Variants in KITLG observed in about 807,000 individuals in gnomAD.
KITLG encodes the protein c-Kit ligand.
In KITLG, 13 loss-of-function variants were observed where a neutral mutation model predicts 34.1. That is an observed-to-expected ratio of 0.38 (90% confidence interval 0.25 to 0.61). KITLG has a LOEUF of 0.61. KITLG is among the 20% of genes least tolerant of loss of function. The pLI, the probability that KITLG is intolerant of heterozygous loss-of-function variation, is 0.60. For synonymous variants in KITLG, 110 were observed against 104.0 expected (o/e 1.06, Z -0.35); for missense variants, 292 against 318.9 (o/e 0.92, Z 0.64).
In KITLG at chr12:88,494,781, A is replaced by C. The variant is rs1481249024; in HGVS notation, c.*2438T>G. The C allele has an allele frequency of 6.6e-6, 1 of 152,260 alleles. No individual in the cohort carries two copies. Among genetic ancestry groups the C allele is most frequent in the African/African-American group, 2.4e-5 (1 of 41,456 alleles). The allele number at this position is 152,260 out of a possible 1,614,324, so 9.4% of individuals were successfully genotyped here. Reference sequence around the variant, plus strand: ...CTTCCAAGATGGAACTGTCAGATACATGGCACCAACTGAAAAGGCGATTTC... The same window carrying C: ...CTTCCAAGATGGAACTGTCAGATACCTGGCACCAACTGAAAAGGCGATTTC... On this transcript the variant is annotated 3_prime_UTR_variant, in exon 10 of 10. Transcript: ENST00000644744.
intron 6 of KITLG, among the ~76,000 whole-genome samples, chr12:88,511,487 T>C (rs1311633460): frequency 1.3e-5 from 2 of 152,058 alleles, no homozygotes; most frequent in African/African-American, 2.4e-5. Flanking sequence ...AGTCAGAGAT[T>C]GAAGTTCAGG....
intron 1 of KITLG, among the ~76,000 whole-genome samples, chr12:88,552,378 C>CA (rs1870949447): frequency 6.7e-6 from 1 of 150,138 alleles, no homozygotes; most frequent in South Asian, 2.1e-4. Flanking sequence ...TTGGTAGAGA[C>CA]AGAGTTTCAC....
rs752080174 is a variant in KITLG at position 88,580,230 on chromosome 12, A to G, written c.15+34T>C. Reference sequence around the variant, plus strand: ...GGGCACCGGGCGCGATTTTTCCTGGAGAGCCTGGGAGCTCCCGGGCGCGCC... The same window carrying G: ...GGGCACCGGGCGCGATTTTTCCTGGGGAGCCTGGGAGCTCCCGGGCGCGCC... On this transcript the variant is annotated intron_variant, in intron 1 of 9. Transcript: ENST00000644744. 6.3e-6 allele frequency: 10 copies of G among 1,598,158 alleles called. No homozygotes were observed. In the Admixed American group the frequency reaches 1.0e-4, roughly 16 times the overall value.
chr12:88,497,563 C>T (rs1206371515), intron 9 of KITLG, among the ~76,000 whole-genome samples: 1 of 152,138 alleles, frequency 6.6e-6, no homozygotes, highest in Non-Finnish European at 1.5e-5. Flanking sequence ...TACCTCCTGA[C>T]ATTCTACCAA....
intron 3 of KITLG, among the ~76,000 whole-genome samples, chr12:88,531,211 CAT>C (rs978576670): frequency 1.3e-5 from 2 of 152,004 alleles, no homozygotes; most frequent in Non-Finnish European, 2.9e-5. Context: ...CTGCAGTAAA[CAT>C]ATAAGAGAAT....
At chr12:88,519,279 G>A (rs1291375097) in intron 3 of KITLG, among the ~76,000 whole-genome samples, 1 of 152,068 alleles carries the variant, frequency 6.6e-6, no homozygotes, top group Non-Finnish European at 1.5e-5. Context: ...TGTAATAGGA[G>A]GAGGGACTCT....
intron 1 of KITLG, among the ~76,000 whole-genome samples, chr12:88,571,570 A>C (rs1243636279): frequency 6.6e-6 from 1 of 152,196 alleles, no homozygotes; most frequent in Non-Finnish European, 1.5e-5. Flanking sequence ...ACCTAGCACA[A>C]TTGTTAAAAT....
intron 1 of KITLG, 170 bp downstream of exon 1, chr12:88,580,094 T>G (rs1871964827): frequency 1.4e-6 from 1 of 701,686 alleles, no homozygotes; most frequent in Non-Finnish European, 2.5e-6. Flanking sequence ...CTCACCCGGC[T>G]CGGCTCGGGA....
rs980736076 is a variant in KITLG, at chr12:88,496,467, G to A, written c.*752C>T. 2.0e-5 allele frequency: 3 copies of A among 152,204 alleles called. No individual in the cohort carries two copies. Among genetic ancestry groups the A allele is most frequent in the African/African-American group, 7.2e-5 (3 of 41,444 alleles). The allele number at this position is 152,204 out of a possible 1,614,324, so 9.4% of individuals were successfully genotyped here. ...TCTTGGCAGACTGTTCTGATGTTCA[G>A]TGTTCTTAACTTCTTCCTGCGATGA... On this transcript the variant is annotated 3_prime_UTR_variant, in exon 10 of 10. Transcript: ENST00000644744.
intron 1 of KITLG, among the ~76,000 whole-genome samples, chr12:88,576,396 T>C (rs1459046251): frequency 6.6e-6 from 1 of 152,174 alleles, no homozygotes; most frequent in South Asian, 2.1e-4. Context: ...ATAATTTACC[T>C]GCAATAAGTC....
At chr12:88,533,539 G>A (rs1369550390) in intron 2 of KITLG, among the ~76,000 whole-genome samples, 1 of 152,062 alleles carries the variant, frequency 6.6e-6, no homozygotes, top group Non-Finnish European at 1.5e-5. Flanking sequence ...CTTCTCTTAT[G>A]TCACCATTAA....
At chr12:88,508,681 T>C (rs569805672) in intron 6 of KITLG, among the ~76,000 whole-genome samples, 2 of 152,146 alleles carry the variant, frequency 1.3e-5, no homozygotes, top group South Asian at 4.1e-4. Context: ...TAACCATGAA[T>C]ATCCTCCTTA....
intron 6 of KITLG, among the ~76,000 whole-genome samples, chr12:88,512,076 T>A (rs915948769): frequency 1.2e-4 from 19 of 152,218 alleles, no homozygotes; most frequent in African/African-American, 4.6e-4. Flanking sequence ...AGACATCAAC[T>A]CTGAGATGAC....
intron 6 of KITLG, among the ~76,000 whole-genome samples, chr12:88,507,528 C>G (rs1206674926): frequency 6.6e-6 from 1 of 152,186 alleles, no homozygotes; most frequent in Non-Finnish European, 1.5e-5. Context: ...AAATTTTAAA[C>G]ATGACATTTT....
intron 1 of KITLG, among the ~76,000 whole-genome samples, chr12:88,574,284 C>G (rs1447198973): frequency 2.1e-5 from 2 of 95,170 alleles, no homozygotes; most frequent in Admixed American, 2.8e-4. Context: ...CTTCTGACTG[C>G]TAAAAGAAAA....
At position 88,507,081 on chromosome 12, in the gene KITLG, G is replaced by A. The variant is rs1384549754; in HGVS notation, c.661C>T (p.Pro221Ser). The change falls in exon 7 of 10, where the codon CCA (proline) becomes TCA (serine). Residue 221 changes from proline (P) to serine (S), a missense_variant. Physicochemically the swap from Pro to Ser is moderately conservative, Grantham distance 74 (BLOSUM62 -1). Transcript: ENST00000644744. ...SSLHWAAMAL[P>S]ALFSLIIGFA... ...CCAATTATAAGAGAAAACAATGCTG[G>A]CAATGCCATGGCTGCCCAGTGTAGG... 2 of 1,613,756 alleles carry A rather than the reference G, an allele frequency of 1.2e-6. No individual in the cohort carries two copies.
intron 1 of KITLG, among the ~76,000 whole-genome samples, chr12:88,570,562 C>T (rs934268834): frequency 1.3e-5 from 2 of 151,862 alleles, no homozygotes; most frequent in East Asian, 1.9e-4. Flanking sequence ...GAAGTTCAAC[C>T]CTTTCAGTTT....
At chr12:88,547,772 A>G (rs1870765937) in intron 1 of KITLG, among the ~76,000 whole-genome samples, 1 of 152,196 alleles carries the variant, frequency 6.6e-6, no homozygotes, top group African/African-American at 2.4e-5. Context: ...AAATTCTGTT[A>G]CTGGTCTTCG....
chr12:88,516,236 T>C, intron 5 of KITLG, 98 bp downstream of exon 5: 1 of 981,156 alleles, frequency 1.0e-6, no homozygotes, highest in Non-Finnish European at 1.6e-6. Flanking sequence ...TACATGCATG[T>C]ATCTTGCTAC....
Sources: allele counts gnomAD v4.1 joint callset (sites outside exome capture counted in the v4.1 genomes callset), GRCh38; gene constraint gnomAD v4.1.1; transcripts MANE v1.5; gene names NCBI Gene and HGNC (gene_info 2026-07-23, HGNC 2026-07-21).